FBXO15: variants seen among roughly 807,000 people sequenced by gnomAD.
FBXO15 encodes the protein F-box only protein 15.
In FBXO15, 30 loss-of-function variants were observed where a neutral mutation model predicts 49.5. The observed-to-expected ratio is 0.61, with a 90% confidence interval of 0.45 to 0.82. The LOEUF (loss-of-function observed/expected upper bound fraction) is 0.82, where lower values mean the gene tolerates loss of function less well. Among genes scored for constraint, FBXO15 ranks in the 40% least tolerant of loss-of-function variants. The probability of loss-of-function intolerance (pLI) is 0.00; values close to 1 mark genes in which losing one functional copy is unlikely to be tolerated. For missense variants in FBXO15, 591 were observed against 631.5 expected (o/e 0.94, Z 0.69); for synonymous variants, 250 against 232.7 (o/e 1.07, Z -0.68).
chr18:74,103,026 C>G (rs1477826450), intron 8 of FBXO15, among the ~76,000 whole-genome samples: 2 of 151,928 alleles, frequency 1.3e-5, no homozygotes, highest in Non-Finnish European at 2.9e-5. Flanking sequence ...GAGACGGGTG[C>G]ACCAAAATTT....
intron 8 of FBXO15, chr18:74,099,957 C>G (rs1599149743): frequency 6.6e-6 from 1 of 152,234 alleles, no homozygotes; most frequent in Admixed American, 6.5e-5. Flanking sequence ...CACAGCAACA[C>G]AATAACAGTG....
At chr18:74,121,154 G>C (rs1460252404) in intron 8 of FBXO15, among the ~76,000 whole-genome samples, 1 of 152,136 alleles carries the variant, frequency 6.6e-6, no homozygotes, top group African/African-American at 2.4e-5. Context: ...CCATCTCTTT[G>C]AAAGAAAAGG....
chr18:74,090,741 T>C (rs939362899), intron 8 of FBXO15, among the ~76,000 whole-genome samples: 17 of 152,232 alleles, frequency 1.1e-4, no homozygotes, highest in African/African-American at 4.1e-4. Flanking sequence ...ATTTCTATTT[T>C]TATTGTGCTG....
Position 74,129,507 on chromosome 18 carries a change from C to T in FBXO15, c.683G>A (p.Trp228Ter), listed in dbSNP as rs1978312756. ...TAGGCATGGCCATTTTTTGCCATAC[C>T]ATATAACAGTAACTGATGTGTCATT... is the stretch of plus-strand genomic sequence containing the variant. ...SINDTSVTVI[W>*]YGKKWPCLAS... Residue 228 changes from tryptophan (W) to a stop codon, truncating the protein, a stop_gained, in exon 5 of 10, where the codon TGG becomes TAG. Coordinates refer to ENST00000419743, the MANE Select transcript of FBXO15 (RefSeq NM_001142958.2). LOFTEE classifies it high-confidence loss of function. 1.2e-6 allele frequency: 2 copies of T among 1,613,632 alleles called. No individual in the cohort carries two copies. Among genetic ancestry groups the T allele is most frequent in the Admixed American group, 1.7e-5 (1 of 59,972 alleles).
chr18:74,144,790 G>A (rs1002915676), intron 1 of FBXO15, among the ~76,000 whole-genome samples: 2 of 152,076 alleles, frequency 1.3e-5, no homozygotes, highest in South Asian at 2.1e-4. Context: ...ACAACTACTC[G>A]TTTGAGAAGC....
At chr18:74,117,006 A>T (rs1325967171) in intron 8 of FBXO15, among the ~76,000 whole-genome samples, 1 of 152,106 alleles carries the variant, frequency 6.6e-6, no homozygotes, top group Non-Finnish European at 1.5e-5. Context: ...AGGCTTTTTT[A>T]AAAAATGGGG....
At chr18:74,091,318 C>CA (rs1913018170) in intron 8 of FBXO15, among the ~76,000 whole-genome samples, 2 of 152,126 alleles carry the variant, frequency 1.3e-5, no homozygotes, top group Non-Finnish European at 2.9e-5. Flanking sequence ...CCGAAGACAG[C>CA]AAACCATTGG....
At chr18:74,077,555 TC>T (rs1422324777) in intron 9 of FBXO15, among the ~76,000 whole-genome samples, 2 of 152,260 alleles carry the variant, frequency 1.3e-5, no homozygotes, top group Admixed American at 1.3e-4. Flanking sequence ...CACAGCCTGT[TC>T]CACAGCACCC....
At chr18:74,132,506 G>A (rs1028370575) in intron 3 of FBXO15, among the ~76,000 whole-genome samples, 2 of 152,192 alleles carry the variant, frequency 1.3e-5, no homozygotes, top group African/African-American at 4.8e-5. Context: ...TTCGTATGAT[G>A]AACTATGTTC....
chr18:74,145,594 C>CTTTTTTTTTTTTTTTTT (rs760823560), intron 1 of FBXO15, among the ~76,000 whole-genome samples: 2 of 96,370 alleles, frequency 2.1e-5, no homozygotes, highest in African/African-American at 9.9e-5. Flanking sequence ...ACCAACTGCA[C>CTTTTTTTTTTTTTTTTT]TTTTTTTTTT....
At chr18:74,118,442 A>T (rs971009144) in intron 8 of FBXO15, among the ~76,000 whole-genome samples, 5 of 151,978 alleles carry the variant, frequency 3.3e-5, no homozygotes, top group African/African-American at 4.8e-5. Flanking sequence ...ATATACACAC[A>T]CACATGTTGT....
At chr18:74,133,197 CAATTA>C (rs1321915238) in intron 3 of FBXO15, among the ~76,000 whole-genome samples, 1 of 152,094 alleles carries the variant, frequency 6.6e-6, no homozygotes, top group East Asian at 1.9e-4. Context: ...CAACTTAGCA[CAATTA>C]AATATGTCTT....
At chr18:74,119,835 T>C (rs1195861968) in intron 8 of FBXO15, among the ~76,000 whole-genome samples, 1 of 152,030 alleles carries the variant, frequency 6.6e-6, no homozygotes, top group Non-Finnish European at 1.5e-5. Flanking sequence ...CAGGGCTCTG[T>C]AACGGTTCAC....
chr18:74,109,257 T>G (rs1437916113), intron 8 of FBXO15, among the ~76,000 whole-genome samples: 5 of 152,090 alleles, frequency 3.3e-5, no homozygotes, highest in Non-Finnish European at 7.4e-5. Flanking sequence ...ATCAGATAAA[T>G]GCAAATCAAA....
intron 9 of FBXO15, chr18:74,078,542 GCATCTCT>G (rs2145098595): frequency 6.5e-6 from 1 of 152,764 alleles, no homozygotes; most frequent in South Asian, 2.1e-4. Flanking sequence ...CCTGTCCGAA[GCATCTCT>G]TTCTCCACTG....
chr18:74,109,780 G>A (rs1029587012), intron 8 of FBXO15, among the ~76,000 whole-genome samples: 3 of 151,778 alleles, frequency 2.0e-5, no homozygotes, highest in South Asian at 2.1e-4. Context: ...GTTGAACAAC[G>A]AGAACACATG....
intron 8 of FBXO15, among the ~76,000 whole-genome samples, chr18:74,090,000 C>G (rs113415829): frequency 0.19 from 29,301 of 152,082 alleles, 3,548 homozygotes; most frequent in Middle Eastern, 0.29. Context: ...AGTACCAGCT[C>G]TTCTTTATAC....
In FBXO15 at chr18:74,130,419, A is replaced by G. The variant is rs764950426; in HGVS notation, c.572T>C (p.Leu191Pro). ...TCTTTTGGAACACACTGCGTACCTG[A>G]GGGCCTCTTTGGTCTTAACTGGAAG... ...TGLPVKTKEA[L>P]RIFGLGWAII... is the part of the protein sequence containing the mutation. Residue 191 changes from leucine (L) to proline (P), a missense_variant, in exon 4 of 10, where the codon CTC becomes CCC. Transcript: ENST00000419743. 1 of 1,613,992 alleles carries G rather than the reference A, an allele frequency of 6.2e-7. No individual in the cohort carries two copies. The highest frequency in any genetic ancestry group is 8.5e-7 in the Non-Finnish European group (1 of 1,179,986).
At position 74,097,004 on chromosome 18, in the gene FBXO15, G is replaced by A. The variant is rs191386515; in HGVS notation, c.1139-14953C>T. 8 of 152,290 alleles carry A rather than the reference G, an allele frequency of 5.3e-5. No individual in the cohort carries two copies. The East Asian group carries it at 7.7e-4, about 15-fold the overall frequency. The allele number at this position is 152,290 out of a possible 1,614,324, so 9.4% of individuals were successfully genotyped here. On this transcript the variant is annotated intron_variant, in intron 8 of 9. Transcript: ENST00000419743. ...GATCACGGGAGAAGGTCTAGATCAC[G>A]GGTCCTTACCTGGAGCTGAGTCAGT...
Sources: gnomAD v4.1 joint callset for allele counts (sites outside exome capture counted in the v4.1 genomes callset) on GRCh38, gnomAD v4.1.1 for gene constraint, MANE v1.5 for transcripts, NCBI Gene and HGNC (gene_info 2026-07-23, HGNC 2026-07-21) for gene names.